The following TRMT11 variants were observed in gnomAD, a reference collection of about 807,000 sequenced individuals.
TRMT11 encodes the protein tRNA methyltransferase 11.
Under a neutral mutation model 62.8 loss-of-function variants are expected in TRMT11, and 53 were observed. The ratio of observed to expected loss-of-function variants is 0.84; its 90% CI spans 0.68 to 1.06. TRMT11 has a LOEUF of 1.06. Ranked by LOEUF, TRMT11 falls within the 50% of genes least tolerant of loss-of-function variation. The probability of loss-of-function intolerance (pLI) is 0.00; values close to 1 mark genes in which losing one functional copy is unlikely to be tolerated. For synonymous variants in TRMT11, 188 were observed against 190.3 expected (o/e 0.99, Z 0.10); for missense variants, 556 against 553.4 (o/e 1.00, Z -0.05).
rs561353838 is a variant in TRMT11 at position 126,089,113 on chromosome 6, A to G, written c.*1438-23753A>G. ...CTCTCTGCAAAGCTCTTTACATGTA[A>G]TCTTTTTTTTTTTTTCCCAAGATGG... On this transcript the variant is annotated intron_variant and NMD_transcript_variant, in intron 17 of 22. Coordinates refer to the TRMT11 transcript ENST00000648977. 4.0e-5 allele frequency among the ~76,000 whole-genome samples: 6 copies of G among 151,018 alleles called. 1 individual carries two copies. The South Asian group carries it at 1.3e-3, about 32-fold the overall frequency.
chr6:126,045,401 A>G (rs1444145006), intron 16 of TRMT11, among the ~76,000 whole-genome samples: 2 of 152,104 alleles, frequency 1.3e-5, no homozygotes, highest in Non-Finnish European at 2.9e-5. Context: ...CTGGAAGAGG[A>G]GGAGGGCTTT....
the TRMT11 span, among the ~76,000 whole-genome samples, chr6:126,256,994 G>A: frequency 1.3e-5 from 2 of 151,786 alleles, no homozygotes; most frequent in Non-Finnish European, 2.9e-5. Context: ...CTAGTGATTC[G>A]TCTTCCCCAG....
chr6:126,105,889 G>A (rs1334038040), intron 17 of TRMT11, among the ~76,000 whole-genome samples: 1 of 152,162 alleles, frequency 6.6e-6, no homozygotes, highest in Non-Finnish European at 1.5e-5. Flanking sequence ...CTGGCTCCCA[G>A]TACAGAGAAA....
chr6:126,208,312 T>C (rs917579027), downstream of TRMT11, among the ~76,000 whole-genome samples: 4 of 152,218 alleles, frequency 2.6e-5, no homozygotes, highest in Non-Finnish European at 5.9e-5. Context: ...TAGCAGTTAT[T>C]GATATTAACT....
intron 1 of TRMT11, among the ~76,000 whole-genome samples, chr6:126,184,385 A>G (rs1484283905): frequency 6.6e-6 from 1 of 152,234 alleles, no homozygotes; most frequent in Non-Finnish European, 1.5e-5. Context: ...ACATTAGGTG[A>G]CAATGTTCTT....
At chr6:126,067,924 A>G (rs1776737576) in intron 17 of TRMT11, among the ~76,000 whole-genome samples, 1 of 152,178 alleles carries the variant, frequency 6.6e-6, no homozygotes, top group Non-Finnish European at 1.5e-5. Flanking sequence ...AATAGCTTTA[A>G]TAAGATACTG....
intron 1 of TRMT11, among the ~76,000 whole-genome samples, chr6:126,187,367 G>GT (rs1778538721): frequency 6.6e-6 from 1 of 151,598 alleles, no homozygotes; most frequent in Admixed American, 6.6e-5. Context: ...TTGCGATACA[G>GT]TAAAAAAAAT....
chr6:126,062,440 G>T (rs1032696631), intron 17 of TRMT11, among the ~76,000 whole-genome samples: 7 of 152,190 alleles, frequency 4.6e-5, no homozygotes, highest in African/African-American at 1.7e-4. Context: ...TCTGTGAAAA[G>T]ACTAATATTG....
intron 21 of TRMT11, among the ~76,000 whole-genome samples, chr6:126,155,175 C>G (rs1778102738): frequency 6.6e-6 from 1 of 152,154 alleles, no homozygotes; most frequent in Non-Finnish European, 1.5e-5. Flanking sequence ...ATCTTACAAT[C>G]ATAGGAGAAG....
intron 11 of TRMT11, among the ~76,000 whole-genome samples, chr6:126,016,756 G>A (rs1459708374): frequency 6.0e-5 from 9 of 149,772 alleles, no homozygotes; most frequent in South Asian, 4.2e-4. Context: ...TTCTAGTTAC[G>A]TGTCTAACAC....
chr6:126,223,423 AAAAACAAAAC>A, the TRMT11 span, among the ~76,000 whole-genome samples: 155 of 148,956 alleles, frequency 1.0e-3, no homozygotes, highest in South Asian at 8.5e-3. Flanking sequence ...TCCGTCTCGA[AAAAACAAAAC>A]AAAACAAAAC....
intron 21 of TRMT11, among the ~76,000 whole-genome samples, chr6:126,166,848 GGCTTCATGGT>G (rs1276682450): frequency 1.3e-4 from 20 of 152,122 alleles, no homozygotes; most frequent in Admixed American, 1.3e-3. Context: ...TAGCTACAGT[GGCTTCATGGT>G]GCTGCGGTGG....
chr6:126,125,225 C>G (rs1044406771), intron 21 of TRMT11, among the ~76,000 whole-genome samples: 2 of 152,056 alleles, frequency 1.3e-5, no homozygotes, highest in Non-Finnish European at 2.9e-5. Flanking sequence ...CTCCTTGGTT[C>G]ACTTTGCCCG....
intron 17 of TRMT11, among the ~76,000 whole-genome samples, chr6:126,076,484 CT>C (rs1777027955): frequency 6.6e-6 from 1 of 152,206 alleles, no homozygotes; most frequent in South Asian, 2.1e-4. Context: ...CAGTTCCTAT[CT>C]TGACTTCCTC....
At chr6:126,205,936 CACAT>C (rs367634349), downstream of TRMT11, among the ~76,000 whole-genome samples, 206 of 139,322 alleles carry the variant, frequency 1.5e-3, no homozygotes, top group African/African-American at 4.6e-3. Context: ...CACACACACA[CACAT>C]GCGCGCACAC....
chr6:126,154,325 A>ATGTGTGTGTGTGTGTGTGTGTGTG (rs752384256), intron 21 of TRMT11, among the ~76,000 whole-genome samples: 1 of 148,050 alleles, frequency 6.8e-6, no homozygotes, highest in Non-Finnish European at 1.5e-5. Flanking sequence ...TAATAAAGAT[A>ATGTGTGTGTGTGTGTGTGTGTGTG]TGTGTGTGTG....
chr6:125,998,300 A>G lies in TRMT11; in HGVS notation c.372A>G (p.Lys124=). ...TFNKTLTQEE[K]IKRIDALEFL... is the part of the protein sequence containing the mutation. ...ATAAGACATTGACACAAGAAGAGAA[A>G]ATCAAGCGAATAGATGTAAGTAAAT... The change falls in exon 5 of 13, where the codon AAA becomes AAG. Residue 124 remains lysine (K), a synonymous_variant. Transcript: ENST00000334379. 1.3e-6 allele frequency: 2 copies of G among 1,593,870 alleles called. No individual in the cohort carries two copies. Among genetic ancestry groups the G allele is most frequent in the Non-Finnish European group, 1.7e-6 (2 of 1,163,004 alleles).
intron 1 of TRMT11, among the ~76,000 whole-genome samples, chr6:125,993,419 G>T (rs770907827): frequency 3.5e-4 from 53 of 152,232 alleles, no homozygotes; most frequent in Non-Finnish European, 6.3e-4. Flanking sequence ...CAAATCATGT[G>T]TCTGATTTTC....
intron 17 of TRMT11, among the ~76,000 whole-genome samples, chr6:126,103,352 G>A (rs1005927526): frequency 6.6e-6 from 1 of 152,178 alleles, no homozygotes; most frequent in Non-Finnish European, 1.5e-5. Context: ...CAATTGAGTT[G>A]TCTTTGTATT....
Sources: gnomAD v4.1 joint callset for allele counts (sites outside exome capture counted in the v4.1 genomes callset) on GRCh38, gnomAD v4.1.1 for gene constraint, MANE v1.5 for transcripts, NCBI Gene and HGNC (gene_info 2026-07-23, HGNC 2026-07-21) for gene names.